Variants in ARL3 observed in about 807,000 individuals in gnomAD.
ARL3 encodes ARF like GTPase 3, also known as ADP-ribosylation factor-like protein 3.
Under a neutral mutation model 26.0 loss-of-function variants are expected in ARL3, and 9 were observed. The observed-to-expected ratio is 0.35, with a 90% CI of 0.21 to 0.60. The LOEUF (loss-of-function observed/expected upper bound fraction) is 0.60, where lower values mean the gene tolerates loss of function less well. ARL3 is among the 20% of genes least tolerant of loss of function. ARL3 has a pLI of 0.78. For missense variants in ARL3, 158 were observed against 215.7 expected, an observed-to-expected ratio of 0.73 and a Z score of 1.67; for synonymous variants, 71 against 78.4, an observed-to-expected ratio of 0.91 and a Z score of 0.50.
rs575099052 is a variant in ARL3, at chr10:102,703,208, G to A, written c.147+2138C>T. On this transcript the variant is annotated intron_variant, in intron 2 of 5. Transcript: ENST00000260746. ...ACAATCTCAGCTCACTGTAATCTCC[G>A]CCTCCCAAGTTCAAGCCATTCTCCT... 6.8e-5 allele frequency among the ~76,000 whole-genome samples: 9 copies of A among 133,006 alleles called. No homozygotes were observed. The Admixed American group carries it at 7.2e-4, about 11-fold the overall frequency. 87.3% of individuals were successfully genotyped at this position (133,006 alleles called of 152,430 possible).
At chr10:102,702,020 CAAAAA>C (rs34993485) in intron 2 of ARL3, among the ~76,000 whole-genome samples, 2 of 117,670 alleles carry the variant, frequency 1.7e-5, no homozygotes, top group Admixed American at 8.8e-5. Context: ...CCATCTCTAC[CAAAAA>C]AAAAAAAAAA....
intron 5 of ARL3, among the ~76,000 whole-genome samples, chr10:102,678,267 G>A (rs1488729363): frequency 1.3e-5 from 2 of 152,162 alleles, no homozygotes; most frequent in African/African-American, 2.4e-5. Context: ...TGCCGAGGTG[G>A]GAGAAATGAG....
intron 2 of ARL3, among the ~76,000 whole-genome samples, chr10:102,703,118 CTT>C (rs1023724116): frequency 9.9e-6 from 1 of 101,160 alleles, no homozygotes; most frequent in Admixed American, 1.2e-4. Flanking sequence ...CAGGTCTTGT[CTT>C]TTTTTTTTTT....
chr10:102,689,270 A>T (rs1227217170), intron 4 of ARL3, among the ~76,000 whole-genome samples: 1 of 151,948 alleles, frequency 6.6e-6, no homozygotes, highest in Non-Finnish European at 1.5e-5. Flanking sequence ...AGTTGCAGTG[A>T]GCTGAAATTG....
rs1266094688 is a variant in ARL3, at chr10:102,684,621, A to G, written c.501+1195T>C. Among the ~76,000 whole-genome samples the G allele has an allele frequency of 2.6e-5, 4 of 152,084 alleles. No homozygotes were observed. The South Asian group carries it at 6.2e-4, about 24-fold the overall frequency. On this transcript the variant is annotated intron_variant, in intron 5 of 5. Transcript: ENST00000260746. ...AATCGGAGTAAAATATGTTAGACAA[A>G]TTTTGATTGTTTATTTTTATTTATT...
chr10:102,705,300 T>C, intron 2 of ARL3, 46 bp downstream of exon 2: 1 of 1,511,458 alleles, frequency 6.6e-7, no homozygotes, highest in African/African-American at 1.4e-5. Context: ...ATTGCTATTA[T>C]CGTCTTCCTG....
chr10:102,706,286 C>T (rs972813158), intron 1 of ARL3, among the ~76,000 whole-genome samples: 1 of 151,954 alleles, frequency 6.6e-6, no homozygotes, highest in Admixed American at 6.6e-5. Flanking sequence ...CCTGTCTCTA[C>T]AAAAAATATA....
intron 3 of ARL3, among the ~76,000 whole-genome samples, chr10:102,697,727 G>A (rs540771464): frequency 2.0e-5 from 3 of 152,128 alleles, no homozygotes; most frequent in Admixed American, 2.0e-4. Flanking sequence ...GAGGTTGGGA[G>A]ATTAAAAAAA....
chr10:102,680,750 C>T (rs1281620276), intron 5 of ARL3, among the ~76,000 whole-genome samples: 6 of 152,168 alleles, frequency 3.9e-5, no homozygotes, highest in East Asian at 1.9e-4. Context: ...ATGCTGGTTA[C>T]GTGGTCACAG....
chr10:102,675,460 C>T lies in ARL3; in HGVS notation c.*1434G>A, dbSNP rs1407546809. 2 of 152,266 alleles carry T rather than the reference C, an allele frequency of 1.3e-5. No homozygotes were observed. The highest frequency in any genetic ancestry group is 2.9e-5 in the Non-Finnish European group (2 of 68,118). 9.4% of individuals were successfully genotyped at this position (152,266 alleles called of 1,614,324 possible). On this transcript the variant is annotated 3_prime_UTR_variant, in exon 6 of 6. Transcript: ENST00000260746. Reference sequence around the variant, plus strand: ...TCCCAGGATGAGAAGGCAGCTGGCCCCCAGGGACCCACCAGTCACTGGACA... The same window carrying T: ...TCCCAGGATGAGAAGGCAGCTGGCCTCCAGGGACCCACCAGTCACTGGACA...
intron 5 of ARL3, among the ~76,000 whole-genome samples, chr10:102,677,725 C>T (rs989597794): frequency 2.0e-5 from 3 of 152,176 alleles, no homozygotes; most frequent in Non-Finnish European, 4.4e-5. Flanking sequence ...CAAACCTGGA[C>T]ACTCTCCCCT....
At chr10:102,706,226 C>T (rs556059684) in intron 1 of ARL3, among the ~76,000 whole-genome samples, 5 of 152,008 alleles carry the variant, frequency 3.3e-5, no homozygotes, top group African/African-American at 7.2e-5. Context: ...CCAAGGTGGG[C>T]GGATCACGAG....
In ARL3 at chr10:102,676,418, A is replaced by G. The variant is rs1290095464; in HGVS notation, c.*476T>C. ...GAAGCCTGGCTGGGCTAGTGACGGT[A>G]AAAATCACTGACAGCACCAGCAAAC... On this transcript the variant is annotated 3_prime_UTR_variant, in exon 6 of 6. Transcript: ENST00000260746. 2 of 154,342 alleles carry G rather than the reference A, an allele frequency of 1.3e-5. No individual in the cohort carries two copies. The highest frequency in any genetic ancestry group is 2.4e-5 in the African/African-American group (1 of 41,436). 9.6% of individuals were successfully genotyped at this position (154,342 alleles called of 1,614,324 possible). A position where few individuals can be genotyped will look rare whatever the true frequency, so the allele number is the denominator to read the frequency against.
At chr10:102,684,802 C>G (rs1384214415) in intron 5 of ARL3, among the ~76,000 whole-genome samples, 1 of 151,724 alleles carries the variant, frequency 6.6e-6, no homozygotes, top group Non-Finnish European at 1.5e-5. Flanking sequence ...CCATGTCCGG[C>G]TGATTTTTTT....
intron 5 of ARL3, among the ~76,000 whole-genome samples, chr10:102,677,348 A>G (rs1224699297): frequency 6.6e-6 from 1 of 152,164 alleles, no homozygotes; most frequent in African/African-American, 2.4e-5. Flanking sequence ...TTGGTGCCCC[A>G]TGTGTTTACA....
At chr10:102,680,565 C>G (rs921594968) in intron 5 of ARL3, among the ~76,000 whole-genome samples, 1 of 152,194 alleles carries the variant, frequency 6.6e-6, no homozygotes, top group Non-Finnish European at 1.5e-5. Context: ...GAAACTCACT[C>G]CTCCCAAATC....
chr10:102,710,505 G>T (rs2064332594), intron 1 of ARL3, among the ~76,000 whole-genome samples: 1 of 152,072 alleles, frequency 6.6e-6, no homozygotes, highest in African/African-American at 2.4e-5. Flanking sequence ...TTTATCATAG[G>T]GCTGAGTTTT....
At chr10:102,711,348 ATATATG>A (rs1271885369) in intron 1 of ARL3, among the ~76,000 whole-genome samples, 7 of 150,446 alleles carry the variant, frequency 4.7e-5, no homozygotes, top group Non-Finnish European at 8.9e-5. Flanking sequence ...ATATATATAT[ATATATG>A]TATGTATATG....
intron 4 of ARL3, among the ~76,000 whole-genome samples, chr10:102,687,161 G>T (rs1349080529): frequency 6.6e-6 from 1 of 151,730 alleles, no homozygotes. Context: ...TTACAGGCGT[G>T]AGCCACCGCG....
Sources: gnomAD v4.1 joint callset for allele counts (sites outside exome capture counted in the v4.1 genomes callset) on GRCh38, gnomAD v4.1.1 for gene constraint, MANE v1.5 for transcripts, NCBI Gene and HGNC (gene_info 2026-07-23, HGNC 2026-07-21) for gene names.